CDK15: variants seen among roughly 807,000 people sequenced by gnomAD.
The protein encoded by CDK15 is cyclin-dependent kinase 15.
Under a neutral mutation model 60.3 loss-of-function variants are expected in CDK15, and 62 were observed. That is an observed-to-expected ratio of 1.03 (90% confidence interval 0.84 to 1.27). CDK15 has a LOEUF of 1.27. Among genes scored for constraint, CDK15 ranks in the 50% most tolerant of loss-of-function variants. The pLI is 0.00. For synonymous variants in CDK15, 194 were observed against 195.7 expected (o/e 0.99, Z 0.07); for missense variants, 541 against 527.8 (o/e 1.03, Z -0.25).
chr2:201,869,599 A>T (rs956981886), intron 10 of CDK15, among the ~76,000 whole-genome samples: 1 of 152,162 alleles, frequency 6.6e-6, no homozygotes, highest in African/African-American at 2.4e-5. Context: ...TGGATGGTCA[A>T]AGTATCTTAC....
chr2:201,847,811 C>G (rs1258084584), intron 9 of CDK15, among the ~76,000 whole-genome samples: 1 of 152,156 alleles, frequency 6.6e-6, no homozygotes, highest in Admixed American at 6.6e-5. Flanking sequence ...TCTAATGCTA[C>G]CATATATTTG....
intron 3 of CDK15, among the ~76,000 whole-genome samples, chr2:201,808,342 A>T (rs1264542753): frequency 6.6e-6 from 1 of 152,214 alleles, no homozygotes; most frequent in African/African-American, 2.4e-5. Flanking sequence ...GAGGTTTGTA[A>T]TGGCAACCTG....
chr2:201,821,463 G>T (rs1455421866), intron 4 of CDK15, among the ~76,000 whole-genome samples: 2 of 152,136 alleles, frequency 1.3e-5, no homozygotes, highest in Non-Finnish European at 2.9e-5. Context: ...GATGCCTAAA[G>T]AAAATAATTT....
chr2:201,818,754 A>G (rs1696093194), intron 4 of CDK15, among the ~76,000 whole-genome samples: 1 of 152,214 alleles, frequency 6.6e-6, no homozygotes, highest in African/African-American at 2.4e-5. Context: ...CAGTACTAGG[A>G]ATGGCCATAA....
At chr2:201,806,504 A>G, upstream of CDK15, 2 of 752,674 alleles carry the variant, frequency 2.7e-6, no homozygotes, top group Non-Finnish European at 3.9e-6. Flanking sequence ...ACTGATAAGG[A>G]AAAACTGCTG....
Position 201,847,365 on chromosome 2 carries a change from T to C in CDK15, c.852-16T>C. ...TTTCTTTCAAAGTGTCAATTTACTCTTATTTCATTTGCTAGGGGTGCAGGC... is the reference window on the plus strand; with the variant it reads ...TTTCTTTCAAAGTGTCAATTTACTCCTATTTCATTTGCTAGGGGTGCAGGC... On this transcript the variant is annotated splice_polypyrimidine_tract_variant and intron_variant, in intron 8 of 13. Coordinates refer to ENST00000652192, the MANE Select transcript of CDK15 (RefSeq NM_001366386.2). 4.4e-6 allele frequency: 7 copies of C among 1,608,242 alleles called. No individual in the cohort carries two copies. The highest frequency in any genetic ancestry group is 6.0e-6 in the Non-Finnish European group (7 of 1,176,212).
At chr2:201,857,722 T>C (rs1393756894) in intron 10 of CDK15, among the ~76,000 whole-genome samples, 1 of 152,194 alleles carries the variant, frequency 6.6e-6, no homozygotes, top group Admixed American at 6.5e-5. Flanking sequence ...TCTTGGGCCA[T>C]GGGGTCAGTA....
intron 10 of CDK15, among the ~76,000 whole-genome samples, chr2:201,866,722 GA>G (rs1437716027): frequency 2.0e-5 from 3 of 152,172 alleles, no homozygotes; most frequent in Non-Finnish European, 1.5e-5. Context: ...GGTGCTGTGT[GA>G]AATGCCTATC....
At chr2:201,822,740 C>A in intron 4 of CDK15, 69 bp from the exon 5 acceptor site, 2 of 820,966 alleles carry the variant, frequency 2.4e-6, no homozygotes, top group Non-Finnish European at 4.1e-6. Flanking sequence ...AAATATATAC[C>A]GTCTGATATC....
At chr2:201,824,861 C>T in intron 6 of CDK15, 1 of 613,892 alleles carries the variant, frequency 1.6e-6, no homozygotes, top group Non-Finnish European at 2.2e-6. Flanking sequence ...ACAGGCCCTT[C>T]CCCTTCCCCC....
chr2:201,871,571 G>T (rs1306127819), intron 10 of CDK15, among the ~76,000 whole-genome samples: 1 of 152,056 alleles, frequency 6.6e-6, no homozygotes, highest in African/African-American at 2.4e-5. Flanking sequence ...AGGTAGTGGG[G>T]TTTCTTTTGA....
chr2:201,829,805 T>G (rs1374468402), intron 6 of CDK15, among the ~76,000 whole-genome samples: 6 of 142,806 alleles, frequency 4.2e-5, no homozygotes, highest in Non-Finnish European at 7.4e-5. Flanking sequence ...TAATTTTATT[T>G]TTATTTATTT....
chr2:201,814,352 C>T (rs1228343227), intron 4 of CDK15, among the ~76,000 whole-genome samples: 1 of 152,148 alleles, frequency 6.6e-6, no homozygotes, highest in African/African-American at 2.4e-5. Flanking sequence ...TATGGACTTA[C>T]CTTACCGAAT....
At chr2:201,864,102 T>A (rs1698511706) in intron 10 of CDK15, among the ~76,000 whole-genome samples, 1 of 152,174 alleles carries the variant, frequency 6.6e-6, no homozygotes, top group African/African-American at 2.4e-5. Flanking sequence ...AAAATAAATA[T>A]GACACTGGTA....
chr2:201,849,798 G>A (rs1436271587), intron 9 of CDK15, among the ~76,000 whole-genome samples: 1 of 152,034 alleles, frequency 6.6e-6, no homozygotes, highest in South Asian at 2.1e-4. Context: ...ATTAGTATTT[G>A]AAGAGTTGTA....
chr2:201,822,349 C>T (rs1336330246), intron 4 of CDK15, among the ~76,000 whole-genome samples: 1 of 152,210 alleles, frequency 6.6e-6, no homozygotes, highest in South Asian at 2.1e-4. Flanking sequence ...TCATATCCAC[C>T]GGCCCTATTG....
At position 201,806,623 on chromosome 2, in the gene CDK15, G is replaced by A; in HGVS notation, c.-42G>A. 6.5e-7 allele frequency: 1 copy of A among 1,534,584 alleles called. No individual in the cohort carries two copies. Among genetic ancestry groups the A allele is most frequent in the Non-Finnish European group, 8.8e-7 (1 of 1,139,684 alleles). ...AACAAGGATAGGAGAGGCAGTGGGG[G>A]AAAGGTTCAAGTGCGGGTTTTCTCC... On this transcript the variant is annotated 5_prime_UTR_variant, in exon 1 of 14. Coordinates refer to ENST00000652192, the MANE Select transcript of CDK15 (RefSeq NM_001366386.2).
Position 201,806,651 on chromosome 2 carries a change from G to T in CDK15, c.-14G>T. On this transcript the variant is annotated 5_prime_UTR_variant, in exon 1 of 14. Transcript: ENST00000652192. ...AGGTTCAAGTGCGGGTTTTCTCCTT[G>T]AACCTACAAGATTATGGGTCAAGAG... The T allele has an allele frequency of 6.3e-7, 1 of 1,575,658 alleles. No homozygotes were observed. The highest frequency in any genetic ancestry group is 1.1e-5 in the South Asian group (1 of 88,080).
At chr2:201,843,958 A>G (rs575870971) in intron 8 of CDK15, among the ~76,000 whole-genome samples, 1 of 152,270 alleles carries the variant, frequency 6.6e-6, no homozygotes, top group Non-Finnish European at 1.5e-5. Flanking sequence ...TAAGTATGAA[A>G]ACACACCATG....
Sources: allele counts gnomAD v4.1 joint callset (sites outside exome capture counted in the v4.1 genomes callset), GRCh38; gene constraint gnomAD v4.1.1; transcripts MANE v1.5; gene names NCBI Gene and HGNC (gene_info 2026-07-23, HGNC 2026-07-21).